UBE2K: variants seen among roughly 807,000 people sequenced by gnomAD.
UBE2K encodes the protein ubiquitin conjugating enzyme E2 K, also known as ubiquitin-conjugating enzyme E2 K.
Under a neutral mutation model 30.0 loss-of-function variants are expected in UBE2K, and 6 were observed. The ratio of observed to expected loss-of-function variants is 0.20; its 90% CI spans 0.11 to 0.39. The LOEUF (loss-of-function observed/expected upper bound fraction) is 0.39. UBE2K is among the 10% of genes least tolerant of loss of function. The pLI, the probability that UBE2K is intolerant of heterozygous loss-of-function variation, is 1.00. For synonymous variants in UBE2K, 86 were observed against 83.7 expected, an observed-to-expected ratio of 1.03 and a Z score of -0.15; for missense variants, 61 against 241.6, an observed-to-expected ratio of 0.25 and a Z score of 4.96.
intron 3 of UBE2K, among the ~76,000 whole-genome samples, chr4:39,748,478 T>G (rs986486294): frequency 6.6e-6 from 1 of 152,170 alleles, no homozygotes; most frequent in Non-Finnish European, 1.5e-5. Flanking sequence ...CTCATCTTGC[T>G]ATTGAAGCCA....
At chr4:39,771,193 G>A in intron 4 of UBE2K, 2 of 1,612,930 alleles carry the variant, frequency 1.2e-6, no homozygotes, top group Non-Finnish European at 1.7e-6. Flanking sequence ...AAGCAGGTCG[G>A]CCACGATGCG....
intron 1 of UBE2K, among the ~76,000 whole-genome samples, chr4:39,726,445 T>C (rs1356980236): frequency 6.6e-6 from 1 of 152,110 alleles, no homozygotes; most frequent in Non-Finnish European, 1.5e-5. Flanking sequence ...GGTCTTGAAC[T>C]CCTGGGCTTA....
chr4:39,714,291 G>A, intron 1 of UBE2K: 1 of 204,040 alleles, frequency 4.9e-6, no homozygotes, highest in Non-Finnish European at 1.0e-5. Flanking sequence ...ACCTTTATGA[G>A]CTGCCTGCCA....
chr4:39,775,718 C>T (rs2109415622), intron 5 of UBE2K, among the ~76,000 whole-genome samples: 1 of 152,308 alleles, frequency 6.6e-6, no homozygotes, highest in Non-Finnish European at 1.5e-5. Flanking sequence ...CACCATTGCA[C>T]TCCAGCCTGG....
chr4:39,714,903 G>A (rs1263097880), intron 1 of UBE2K, among the ~76,000 whole-genome samples: 1 of 151,570 alleles, frequency 6.6e-6, no homozygotes, highest in African/African-American at 2.4e-5. Context: ...CCAGGATAGA[G>A]TGCAATGGTG....
chr4:39,776,655 A>G (rs1364830980), intron 5 of UBE2K, among the ~76,000 whole-genome samples: 1 of 152,102 alleles, frequency 6.6e-6, no homozygotes, highest in African/African-American at 2.4e-5. Flanking sequence ...AACCTATAAG[A>G]TTTTAATTTA....
chr4:39,777,293 C>T (rs11933569), intron 5 of UBE2K, among the ~76,000 whole-genome samples: 3,720 of 152,196 alleles, frequency 0.024, 152 homozygotes, highest in African/African-American at 0.085. Context: ...CTGGTTACAT[C>T]GTAAAAAATT....
At chr4:39,770,619 C>A in intron 4 of UBE2K, 1 of 1,596,578 alleles carries the variant, frequency 6.3e-7, no homozygotes, top group Non-Finnish European at 8.5e-7. Context: ...CAGGCTCTCC[C>A]CTTCTGCGTT....
chr4:39,727,430 C>T (rs765425043), intron 1 of UBE2K, among the ~76,000 whole-genome samples: 5 of 152,164 alleles, frequency 3.3e-5, no homozygotes, highest in African/African-American at 7.2e-5. Context: ...GGTAAGATCA[C>T]GGCTCTCTGC....
intron 4 of UBE2K, among the ~76,000 whole-genome samples, chr4:39,773,777 C>G (rs1401310448): frequency 1.3e-5 from 2 of 151,748 alleles, no homozygotes; most frequent in Non-Finnish European, 2.9e-5. Flanking sequence ...AAAAATTAGC[C>G]GGGCGTGGTG....
intron 3 of UBE2K, among the ~76,000 whole-genome samples, chr4:39,749,947 C>T (rs1721170283): frequency 6.6e-6 from 1 of 152,002 alleles, no homozygotes; most frequent in African/African-American, 2.4e-5. Flanking sequence ...GCCTGTAATC[C>T]CAGGACTCTG....
Position 39,707,184 on chromosome 4 carries a change from AC to A in UBE2K, c.63+8795del, listed in dbSNP as rs1356216438. Reference sequence around the variant, plus strand: ...CTTGGCCTCCCAAAGTGCTGGGCTTACATGTGTGAGCCACCCCACCTGGAGT... The same window carrying A: ...CTTGGCCTCCCAAAGTGCTGGGCTTAATGTGTGAGCCACCCCACCTGGAGT... On this transcript the variant is annotated intron_variant, in intron 1 of 6. Coordinates refer to ENST00000261427, the MANE Select transcript of UBE2K (RefSeq NM_005339.5). Among the ~76,000 whole-genome samples the A allele has an allele frequency of 3.3e-5, 5 of 151,968 alleles. No individual in the cohort carries two copies. The East Asian group carries it at 9.6e-4, about 29-fold the overall frequency.
At chr4:39,761,175 A>C (rs183129018) in intron 4 of UBE2K, 91 of 152,270 alleles carry the variant, frequency 6.0e-4, no homozygotes, top group African/African-American at 2.1e-3. Context: ...TTGCCTAAGG[A>C]GACGTGAACC....
intron 1 of UBE2K, among the ~76,000 whole-genome samples, chr4:39,700,885 T>C (rs1385808700): frequency 1.4e-5 from 2 of 148,000 alleles, no homozygotes; most frequent in Non-Finnish European, 1.5e-5. Flanking sequence ...GCCAACAAGA[T>C]AAATGTGAAA....
chr4:39,751,552 G>C (rs985870777), intron 3 of UBE2K, among the ~76,000 whole-genome samples: 1 of 152,112 alleles, frequency 6.6e-6, no homozygotes, highest in East Asian at 1.9e-4. Flanking sequence ...GATGGCGCAC[G>C]CCTGTAGTCC....
intron 1 of UBE2K, among the ~76,000 whole-genome samples, chr4:39,708,000 G>A (rs1019953853): frequency 4.0e-5 from 6 of 151,592 alleles, no homozygotes; most frequent in African/African-American, 1.2e-4. Context: ...GGGTTCAAGC[G>A]ATTCTCCTGC....
intron 1 of UBE2K, among the ~76,000 whole-genome samples, chr4:39,725,888 C>A (rs147190595): frequency 7.3e-4 from 111 of 152,244 alleles, no homozygotes; most frequent in Non-Finnish European, 1.2e-3. Context: ...AGCAGTCTGT[C>A]CACCTTGGCC....
rs879192679 is a variant in UBE2K at position 39,778,573 on chromosome 4, G to GA, written c.*150dup. The GA allele has an allele frequency of 0.013, 4,906 of 367,006 alleles. No individual in the cohort carries two copies. Among genetic ancestry groups the GA allele is most frequent in the East Asian group, 0.016 (362 of 22,018 alleles). The allele number at this position is 367,006 out of a possible 1,614,324, so 22.7% of individuals were successfully genotyped here. A position where few individuals can be genotyped will look rare whatever the true frequency, so the allele number is the denominator to read the frequency against. On this transcript the variant is annotated 3_prime_UTR_variant, in exon 7 of 7. Transcript: ENST00000261427. ...TGTTATCTAGGCACCATTGGAGACT[G>GA]AAAAAAAAAAATCCCTGCTCTGTAA... is the stretch of plus-strand genomic sequence containing the variant.
At chr4:39,724,502 TTTGGGAGGCTGAGGCAGGTGGA>T (rs1276456825) in intron 1 of UBE2K, among the ~76,000 whole-genome samples, 1 of 145,960 alleles carries the variant, frequency 6.9e-6, no homozygotes, top group Non-Finnish European at 1.5e-5. Context: ...ATCCTAGCAC[TTTGGGAGGCTGAGGCAGGTGGA>T]TTGCCTGAGT....
Sources: gnomAD v4.1 joint callset for allele counts (sites outside exome capture counted in the v4.1 genomes callset) on GRCh38, gnomAD v4.1.1 for gene constraint, MANE v1.5 for transcripts, NCBI Gene and HGNC (gene_info 2026-07-23, HGNC 2026-07-21) for gene names.